The following ATP8B1 variants were observed in gnomAD, a reference collection of about 807,000 sequenced individuals.
The protein encoded by ATP8B1 is phospholipid-transporting ATPase IC.
A neutral mutation model predicts 149.9 loss-of-function variants in ATP8B1; 80 were observed. The observed-to-expected ratio is 0.53, with a 90% confidence interval of 0.45 to 0.64. The LOEUF (loss-of-function observed/expected upper bound fraction) is 0.64, where lower values mean the gene tolerates loss of function less well. ATP8B1 is among the 30% of genes least tolerant of loss of function. ATP8B1 has a pLI of 0.00. For missense variants in ATP8B1, 1,247 were observed against 1,552.6 expected (o/e 0.80, Z 3.31); for synonymous variants, 536 against 562.8 (o/e 0.95, Z 0.67).
Position 57,693,247 on chromosome 18 carries a change from TAGAA to T in ATP8B1, c.1030-1254_1030-1251del, listed in dbSNP as rs569658818. Among the ~76,000 whole-genome samples the T allele has an allele frequency of 2.9e-3, 442 of 152,286 alleles. 1 individual carries two copies. Among genetic ancestry groups the T allele is most frequent in the Middle Eastern group, 0.017 (5 of 294 alleles). On this transcript the variant is annotated intron_variant, in intron 11 of 27. Coordinates refer to ENST00000648908, the MANE Select transcript of ATP8B1 (RefSeq NM_001374385.1). ...CTTGAAAAAATTTTTCATTGGGAAA[TAGAA>T]GGAGTGCTTAATATTTGGGGTCACC...
chr18:57,730,351 T>G (rs1599164337), intron 2 of ATP8B1, among the ~76,000 whole-genome samples: 2 of 150,032 alleles, frequency 1.3e-5, no homozygotes, highest in Non-Finnish European at 3.0e-5. Flanking sequence ...TGACTAAGGC[T>G]GCAGGGAGGC....
intron 1 of ATP8B1, among the ~76,000 whole-genome samples, chr18:57,762,165 G>T (rs1450242252): frequency 6.6e-6 from 1 of 150,670 alleles, no homozygotes; most frequent in Non-Finnish European, 1.5e-5. Context: ...TTGAGACAGG[G>T]TCTCACTCTG....
intron 24 of ATP8B1, among the ~76,000 whole-genome samples, chr18:57,653,136 CTTCT>C (rs1354651287): frequency 2.0e-5 from 3 of 151,830 alleles, no homozygotes; most frequent in Non-Finnish European, 4.4e-5. Flanking sequence ...CTTTATAGTG[CTTCT>C]TTCTTTTTAA....
Position 57,706,553 on chromosome 18 carries a change from C to T in ATP8B1, c.216G>A (p.Lys72=). 2.5e-6 allele frequency: 4 copies of T among 1,614,030 alleles called. No homozygotes were observed. The highest frequency in any genetic ancestry group is 2.5e-6 in the Non-Finnish European group (3 of 1,179,986). ...TCATAAAGTGAGGTTGTTCGTGGTA[C>T]TTGCGATCGTTTGCTTTGACTTGCC... ...CTWQVKANDR[K]YHEQPHFMNT... is the part of the protein sequence containing the mutation. Residue 72 remains lysine (K), a synonymous_variant, in exon 3 of 28, where the codon AAG becomes AAA. Transcript: ENST00000648908.
At chr18:57,705,136 C>T (rs1343314325) in intron 3 of ATP8B1, among the ~76,000 whole-genome samples, 1 of 152,172 alleles carries the variant, frequency 6.6e-6, no homozygotes, top group Non-Finnish European at 1.5e-5. Flanking sequence ...TCTAGCCAAG[C>T]AGCCAAGCCT....
chr18:57,683,660 G>A (rs1284236859), intron 15 of ATP8B1, among the ~76,000 whole-genome samples: 6 of 152,144 alleles, frequency 3.9e-5, no homozygotes, highest in African/African-American at 1.4e-4. Context: ...CAAGTTCAAA[G>A]TCCATTTCTG....
intron 23 of ATP8B1, 121 bp downstream of exon 23, chr18:57,655,073 G>A (rs1909899266): frequency 5.6e-6 from 5 of 886,172 alleles, no homozygotes; most frequent in Admixed American, 2.1e-5. Context: ...TGCCCCAACT[G>A]TAAGGAGACA....
intron 1 of ATP8B1, among the ~76,000 whole-genome samples, chr18:57,745,135 TG>T (rs1397757329): frequency 6.6e-6 from 1 of 152,234 alleles, no homozygotes; most frequent in East Asian, 1.9e-4. Flanking sequence ...ACCTTGCTGC[TG>T]GCCTTGAAAT....
chr18:57,728,015 A>C (rs141616831), intron 2 of ATP8B1, among the ~76,000 whole-genome samples: 59 of 152,296 alleles, frequency 3.9e-4, no homozygotes, highest in Middle Eastern at 3.4e-3. Context: ...ACATTCTAAC[A>C]GCATGTTTGT....
intron 1 of ATP8B1, among the ~76,000 whole-genome samples, chr18:57,785,174 C>A (rs892120430): frequency 6.6e-6 from 1 of 152,202 alleles, no homozygotes; most frequent in African/African-American, 2.4e-5. Flanking sequence ...CCCCAAAATA[C>A]ACAAGATCTT....
intron 1 of ATP8B1, among the ~76,000 whole-genome samples, chr18:57,743,298 G>A (rs1457680934): frequency 6.6e-6 from 1 of 152,018 alleles, no homozygotes; most frequent in Non-Finnish European, 1.5e-5. Context: ...CTCTGCCCAG[G>A]AAGCATCAGA....
At chr18:57,685,232 A>G (rs1349934511) in intron 13 of ATP8B1, 117 bp from the exon 14 acceptor site, 1 of 1,109,960 alleles carries the variant, frequency 9.0e-7, no homozygotes, top group Non-Finnish European at 1.3e-6. Flanking sequence ...TGGACAGGCT[A>G]AAATATTTAT....
rs73959354 is a variant in ATP8B1, at chr18:57,784,724, C to G, written c.-26+18274G>C. On this transcript the variant is annotated intron_variant, in intron 1 of 27. Coordinates refer to ENST00000648908, the MANE Select transcript of ATP8B1 (RefSeq NM_001374385.1). The surrounding 1 kb of genome is among the most constrained non-coding windows in gnomAD (Gnocchi z 4.4). ...TGCCTATGACTAAGTCCTGCGAAAC[C>G]GTAGCATTTTAAGAGGACTCCTACC... Among the ~76,000 whole-genome samples, 2 of 152,020 alleles carry G rather than the reference C, an allele frequency of 1.3e-5. No individual in the cohort carries two copies. The highest frequency in any genetic ancestry group is 2.9e-5 in the Non-Finnish European group (2 of 68,014).
intron 15 of ATP8B1, among the ~76,000 whole-genome samples, chr18:57,675,365 G>C (rs1911530236): frequency 6.6e-6 from 1 of 152,156 alleles, no homozygotes; most frequent in South Asian, 2.1e-4. Context: ...TTTCTATCAA[G>C]CTGAATATAC....
chr18:57,771,018 A>G (rs1694226749), intron 1 of ATP8B1, among the ~76,000 whole-genome samples: 1 of 152,126 alleles, frequency 6.6e-6, no homozygotes, highest in Non-Finnish European at 1.5e-5. Flanking sequence ...ACGTGCCACC[A>G]CACCTAGCTA....
chr18:57,651,454 T>C (rs1396166866), intron 26 of ATP8B1, among the ~76,000 whole-genome samples: 1 of 152,092 alleles, frequency 6.6e-6, no homozygotes, highest in Non-Finnish European at 1.5e-5. Flanking sequence ...TATCCAGCCT[T>C]TTAAGTCTTA....
At chr18:57,791,796 T>C (rs2080467316) in intron 1 of ATP8B1, among the ~76,000 whole-genome samples, 1 of 152,252 alleles carries the variant, frequency 6.6e-6, no homozygotes, top group South Asian at 2.1e-4. Flanking sequence ...CTTATTTTTC[T>C]TTAAGGCCTT....
intron 1 of ATP8B1, among the ~76,000 whole-genome samples, chr18:57,799,537 C>T (rs2080551665): frequency 1.3e-5 from 2 of 151,890 alleles, no homozygotes; most frequent in South Asian, 2.1e-4. Flanking sequence ...TGGTGAAACC[C>T]GTCTCTACTA....
intron 1 of ATP8B1, among the ~76,000 whole-genome samples, chr18:57,756,210 TACACACACACACACACACACACAC>T (rs573321061): frequency 3.9e-4 from 42 of 108,946 alleles, no homozygotes; most frequent in Non-Finnish European, 4.9e-4. Context: ...TATATATATA[TACACACACACACACACACACACAC>T]ACATATATAC....
Sources: gnomAD v4.1 joint callset for allele counts (sites outside exome capture counted in the v4.1 genomes callset) on GRCh38, gnomAD v4.1.1 for gene constraint, Gnocchi (gnomAD v3.1) non-coding constraint, MANE v1.5 for transcripts, NCBI Gene and HGNC (gene_info 2026-07-23, HGNC 2026-07-21) for gene names.